Variants in AGMO observed in about 807,000 individuals in gnomAD.
The protein encoded by AGMO is alkylglycerol monooxygenase.
A neutral mutation model predicts 60.2 loss-of-function variants in AGMO; 75 were observed. The ratio of observed to expected loss-of-function variants is 1.25; its 90% CI spans 1.03 to 1.51. AGMO has a LOEUF of 1.51. AGMO is among the 40% of genes most tolerant of loss of function. The pLI is 0.00. For missense variants in AGMO, 763 were observed against 525.5 expected, an observed-to-expected ratio of 1.45 and a Z score of -4.42; for synonymous variants, 261 against 177.1, an observed-to-expected ratio of 1.47 and a Z score of -3.76.
chr7:15,207,043 G>A (rs559837321), intron 12 of AGMO, among the ~76,000 whole-genome samples: 1 of 152,248 alleles, frequency 6.6e-6, no homozygotes, highest in South Asian at 2.1e-4. Context: ...CTAAGAAAGT[G>A]TGCATCCTTT....
chr7:15,400,948 C>G (rs899081380), intron 5 of AGMO, among the ~76,000 whole-genome samples: 27 of 151,996 alleles, frequency 1.8e-4, no homozygotes, highest in Non-Finnish European at 4.4e-5. Context: ...CTATCCTGCA[C>G]TTACACATTA....
At chr7:15,131,436 G>C in the AGMO span, among the ~76,000 whole-genome samples, 1 of 151,934 alleles carries the variant, frequency 6.6e-6, no homozygotes, top group Non-Finnish European at 1.5e-5. Flanking sequence ...TTCCAATAAG[G>C]CATAAACAAA....
At chr7:15,375,009 G>A (rs1252026560) in intron 10 of AGMO, among the ~76,000 whole-genome samples, 1 of 151,700 alleles carries the variant, frequency 6.6e-6, no homozygotes, top group African/African-American at 2.4e-5. Context: ...CAGACAGACT[G>A]GAAAATCTCA....
chr7:15,268,345 T>C (rs923366608), intron 12 of AGMO, among the ~76,000 whole-genome samples: 2 of 152,010 alleles, frequency 1.3e-5, no homozygotes, highest in Non-Finnish European at 2.9e-5. Context: ...ACTTAATCCC[T>C]CACTGTTACC....
chr7:15,561,922 G>T lies in AGMO; in HGVS notation c.-77C>A. ...AAGCCTGAGGCTGAACAAAGAGGAC[G>T]AGATGTGCAGCTCAGAACAAGCTCT... is the stretch of plus-strand genomic sequence containing the variant. On this transcript the variant is annotated 5_prime_UTR_variant, in exon 1 of 13. Transcript: ENST00000342526. The T allele has an allele frequency of 1.4e-6, 2 of 1,457,146 alleles. No individual in the cohort carries two copies. The highest frequency in any genetic ancestry group is 1.9e-6 in the Non-Finnish European group (2 of 1,079,656). The allele number at this position is 1,457,146 out of a possible 1,614,324, so 90.3% of individuals were successfully genotyped here.
chr7:15,330,307 T>C (rs1023585149), intron 12 of AGMO, among the ~76,000 whole-genome samples: 3 of 152,156 alleles, frequency 2.0e-5, no homozygotes, highest in African/African-American at 7.2e-5. Flanking sequence ...ATTAACTTTA[T>C]GTATGGGGCA....
chr7:15,310,431 T>C (rs2128531450), intron 12 of AGMO, among the ~76,000 whole-genome samples: 1 of 152,282 alleles, frequency 6.6e-6, no homozygotes, highest in Non-Finnish European at 1.5e-5. Context: ...TTTTGTCTTT[T>C]AGCTTTAAAT....
At chr7:15,153,146 T>C in the AGMO span, among the ~76,000 whole-genome samples, 1 of 151,866 alleles carries the variant, frequency 6.6e-6, no homozygotes, top group Non-Finnish European at 1.5e-5. Flanking sequence ...TTTTGAGAAT[T>C]GTCTATTCAT....
chr7:15,434,738 T>C (rs911053048), intron 3 of AGMO, among the ~76,000 whole-genome samples: 3 of 152,194 alleles, frequency 2.0e-5, no homozygotes, highest in African/African-American at 7.2e-5. Flanking sequence ...GAGACATTCA[T>C]CTAAACTATG....
chr7:15,133,767 C>G, the AGMO span, among the ~76,000 whole-genome samples: 1 of 152,078 alleles, frequency 6.6e-6, no homozygotes, highest in African/African-American at 2.4e-5. Context: ...ATTACCACAA[C>G]CCAGGTGAGA....
chr7:15,305,821 A>G (rs1780598209), intron 12 of AGMO, among the ~76,000 whole-genome samples: 1 of 152,036 alleles, frequency 6.6e-6, no homozygotes, highest in South Asian at 2.1e-4. Flanking sequence ...TTTTTCCTCC[A>G]GAAAGGCACT....
intron 8 of AGMO, among the ~76,000 whole-genome samples, chr7:15,388,202 A>G (rs947015378): frequency 6.6e-6 from 1 of 152,180 alleles, no homozygotes; most frequent in African/African-American, 2.4e-5. Context: ...AAATATGACA[A>G]TAAGGAATCT....
At chr7:15,361,835 T>A (rs1782780216) in intron 12 of AGMO, among the ~76,000 whole-genome samples, 1 of 152,164 alleles carries the variant, frequency 6.6e-6, no homozygotes, top group South Asian at 2.1e-4. Flanking sequence ...CCATGCAGAC[T>A]TACTAAGTTT....
intron 12 of AGMO, among the ~76,000 whole-genome samples, chr7:15,297,120 C>T (rs982357347): frequency 5.9e-5 from 9 of 152,172 alleles, no homozygotes; most frequent in African/African-American, 2.2e-4. Context: ...CAACAAATAC[C>T]TGCTGAACTG....
At chr7:15,295,504 T>C (rs902161509) in intron 12 of AGMO, among the ~76,000 whole-genome samples, 7 of 152,014 alleles carry the variant, frequency 4.6e-5, no homozygotes, top group African/African-American at 4.8e-5. Context: ...ATGTGGGTGA[T>C]AGTGGGAGGA....
chr7:15,529,685 T>TATATATACTATATACTATATAC (rs1784245631), intron 3 of AGMO, among the ~76,000 whole-genome samples: 1 of 33,824 alleles, frequency 3.0e-5, no homozygotes, highest in South Asian at 9.8e-4. Flanking sequence ...ATTCTATATA[T>TATATATACTATATACTATATAC]AGAATATATA....
chr7:15,495,995 CT>C (rs1192520693), intron 3 of AGMO, among the ~76,000 whole-genome samples: 1 of 152,146 alleles, frequency 6.6e-6, no homozygotes, highest in African/African-American at 2.4e-5. Flanking sequence ...AGTACCATTA[CT>C]GGAGATTACA....
chr7:15,441,043 A>G (rs1026156385), intron 3 of AGMO, among the ~76,000 whole-genome samples: 4 of 152,212 alleles, frequency 2.6e-5, no homozygotes, highest in African/African-American at 9.6e-5. Context: ...GGGATCCTAA[A>G]TAATATTTTT....
chr7:15,148,705 C>G, the AGMO span, among the ~76,000 whole-genome samples: 11 of 152,096 alleles, frequency 7.2e-5, no homozygotes, highest in Admixed American at 5.9e-4. Context: ...AGCATATTTT[C>G]TTTATCCAGT....
Sources: gnomAD v4.1 joint callset for allele counts (sites outside exome capture counted in the v4.1 genomes callset) on GRCh38, gnomAD v4.1.1 for gene constraint, MANE v1.5 for transcripts, NCBI Gene and HGNC (gene_info 2026-07-23, HGNC 2026-07-21) for gene names.